Variants in PTPRD observed in about 807,000 individuals in gnomAD.
The protein encoded by PTPRD is receptor-type tyrosine-protein phosphatase delta.
PTPRD carries 34 observed loss-of-function variants against 214.5 expected under a neutral mutation model. The observed-to-expected ratio is 0.16, with a 90% confidence interval of 0.12 to 0.21. The LOEUF (loss-of-function observed/expected upper bound fraction) is 0.21. PTPRD is among the 10% of genes least tolerant of loss of function. PTPRD has a pLI of 1.00. For missense variants in PTPRD, 2,545 were observed against 2,398.7 expected (o/e 1.06, Z -1.27); for synonymous variants, 1,128 against 845.7 (o/e 1.33, Z -5.79).
chr9:9,524,919 G>A (rs1208818196), intron 8 of PTPRD, among the ~76,000 whole-genome samples: 10 of 152,098 alleles, frequency 6.6e-5, no homozygotes, highest in Non-Finnish European at 1.3e-4. Context: ...GTACAGTGGC[G>A]CAATCTCGGC....
intron 9 of PTPRD, among the ~76,000 whole-genome samples, chr9:9,332,017 T>C (rs1411318580): frequency 6.6e-6 from 1 of 152,046 alleles, no homozygotes; most frequent in Non-Finnish European, 1.5e-5. Context: ...CTATGCTAAT[T>C]ACATATTTGT....
rs2135787196 is a variant in PTPRD at position 8,484,322 on chromosome 9, C to T, written c.3210G>A (p.Lys1070=). ...VEEVDGRATQ[K]LIVNLKPEKS... ...TCTCAGGCTTCAGGTTGACAATTAA[C>T]TTCTGTGTGGCTCGGCCATCCACTT... The change falls in exon 30 of 46, where the codon AAG becomes AAA. Residue 1070 remains lysine (K), a synonymous_variant. Transcript: ENST00000381196. The T allele has an allele frequency of 1.2e-6, 2 of 1,614,084 alleles. No homozygotes were observed. The highest frequency in any genetic ancestry group is 1.7e-6 in the Non-Finnish European group (2 of 1,180,016).
chr9:9,404,515 A>G (rs548087524), intron 8 of PTPRD, among the ~76,000 whole-genome samples: 2 of 152,214 alleles, frequency 1.3e-5, no homozygotes, highest in African/African-American at 4.8e-5. Flanking sequence ...AGTGGATATT[A>G]GTGGTATTTA....
At chr9:9,868,617 G>C (rs2064617935) in intron 5 of PTPRD, among the ~76,000 whole-genome samples, 1 of 151,958 alleles carries the variant, frequency 6.6e-6, no homozygotes, top group South Asian at 2.1e-4. Context: ...AAAAATCCCT[G>C]AGCGGGAGAA....
At chr9:9,359,929 T>C (rs1480054244) in intron 9 of PTPRD, among the ~76,000 whole-genome samples, 1 of 151,322 alleles carries the variant, frequency 6.6e-6, no homozygotes, top group Non-Finnish European at 1.5e-5. Flanking sequence ...AAGAATTCCA[T>C]TTCAACACAA....
chr9:8,357,624 C>T (rs77523660), intron 39 of PTPRD, among the ~76,000 whole-genome samples: 9,956 of 152,242 alleles, frequency 0.065, 430 homozygotes, highest in Middle Eastern at 0.11. Context: ...AAGGAACCCA[C>T]TCAAGGAAAA....
chr9:9,504,176 G>T (rs1288858237), intron 8 of PTPRD, among the ~76,000 whole-genome samples: 1 of 151,554 alleles, frequency 6.6e-6, no homozygotes. Flanking sequence ...GTAGTCTAAG[G>T]CTTTTTCTAA....
At chr9:9,005,061 G>A (rs1009530223) in intron 11 of PTPRD, among the ~76,000 whole-genome samples, 3 of 152,026 alleles carry the variant, frequency 2.0e-5, no homozygotes, top group Non-Finnish European at 4.4e-5. Context: ...GCCCTCTAGT[G>A]CATATATTTT....
At chr9:8,470,601 C>G (rs1243403661) in intron 31 of PTPRD, among the ~76,000 whole-genome samples, 2 of 152,068 alleles carry the variant, frequency 1.3e-5, no homozygotes, top group East Asian at 3.9e-4. Context: ...CTGCAAATTG[C>G]AACTTGGTGT....
intron 11 of PTPRD, among the ~76,000 whole-genome samples, chr9:8,856,274 C>G (rs1020066548): frequency 5.3e-5 from 8 of 152,012 alleles, no homozygotes; most frequent in Admixed American, 1.3e-4. Flanking sequence ...TTGTTTTACT[C>G]AAGTTGAGTG....
At chr9:10,117,594 T>C (rs953731998) in intron 3 of PTPRD, among the ~76,000 whole-genome samples, 26 of 135,902 alleles carry the variant, frequency 1.9e-4, no homozygotes, top group Non-Finnish European at 4.7e-5. Flanking sequence ...TTCTTCCCTG[T>C]ATGGATTAAA....
chr9:9,091,250 C>T (rs2099775333), intron 10 of PTPRD: 3 of 1,241,612 alleles, frequency 2.4e-6, no homozygotes, highest in East Asian at 2.3e-5. Flanking sequence ...ATGTAAGGAG[C>T]TGAGTTCTTA....
intron 36 of PTPRD, among the ~76,000 whole-genome samples, chr9:8,393,156 A>T (rs77268406): frequency 7.9e-5 from 12 of 152,110 alleles, no homozygotes; most frequent in Non-Finnish European, 1.2e-4. Context: ...TTCTCTAAGT[A>T]GTGCATATTT....
chr9:10,270,108 G>A (rs1485727247), intron 3 of PTPRD, among the ~76,000 whole-genome samples: 11 of 152,106 alleles, frequency 7.2e-5, no homozygotes, highest in Admixed American at 5.9e-4. Context: ...ATATGTGCAT[G>A]TGTAAGTTTT....
At chr9:8,468,566 T>C (rs971045853) in intron 31 of PTPRD, among the ~76,000 whole-genome samples, 2 of 151,874 alleles carry the variant, frequency 1.3e-5, no homozygotes, top group Non-Finnish European at 2.9e-5. Context: ...TTGAGAGTAA[T>C]GCTGTTTGGA....
At chr9:8,424,814 T>A (rs1461533040) in intron 35 of PTPRD, among the ~76,000 whole-genome samples, 1 of 148,556 alleles carries the variant, frequency 6.7e-6, no homozygotes, top group African/African-American at 2.6e-5. Flanking sequence ...AGAGGACTGA[T>A]GAGTGCCTGC....
intron 9 of PTPRD, among the ~76,000 whole-genome samples, chr9:9,287,799 T>C (rs945646212): frequency 3.8e-4 from 57 of 151,936 alleles, no homozygotes; most frequent in African/African-American, 1.0e-3. Context: ...GTGGCTAAAG[T>C]AAGTATGTCA....
At chr9:8,381,617 G>A (rs2085108362) in intron 37 of PTPRD, among the ~76,000 whole-genome samples, 1 of 152,134 alleles carries the variant, frequency 6.6e-6, no homozygotes, top group African/African-American at 2.4e-5. Context: ...TGATATTAAA[G>A]CATTTGACCA....
Position 9,912,400 on chromosome 9 carries a change from G to C in PTPRD, c.-368+26107C>G, listed in dbSNP as rs144282362. Among the ~76,000 whole-genome samples, 840 of 152,198 alleles carry C rather than the reference G, an allele frequency of 5.5e-3. 9 individuals carry two copies. The highest frequency in any genetic ancestry group is 0.019 in the African/African-American group (797 of 41,526). On this transcript the variant is annotated intron_variant, in intron 5 of 45. Coordinates refer to ENST00000381196, the MANE Select transcript of PTPRD (RefSeq NM_002839.4). ...GTCTCCCTTGTCAAATGCCAACTTT[G>C]ATTATGCTGTAAATTCCACTATTTC... is the stretch of plus-strand genomic sequence containing the variant.
Sources: allele counts gnomAD v4.1 joint callset (sites outside exome capture counted in the v4.1 genomes callset), GRCh38; gene constraint gnomAD v4.1.1; transcripts MANE v1.5; gene names NCBI Gene and HGNC (gene_info 2026-07-23, HGNC 2026-07-21).